The following FBXL17 variants were observed in gnomAD, a reference collection of about 807,000 sequenced individuals.
The protein encoded by FBXL17 is F-box and leucine rich repeat protein 17.
FBXL17 carries 22 observed loss-of-function variants against 66.2 expected under a neutral mutation model. The observed-to-expected ratio is 0.33, with a 90% CI of 0.24 to 0.47. FBXL17 has a LOEUF of 0.47. Among genes scored for constraint, FBXL17 ranks in the 20% least tolerant of loss-of-function variants. FBXL17 has a pLI of 1.00. For missense variants in FBXL17, 878 were observed against 948.2 expected (o/e 0.93, Z 0.97); for synonymous variants, 474 against 400.5 (o/e 1.18, Z -2.19).
chr5:108,250,344 T>C (rs1057122540), intron 4 of FBXL17, among the ~76,000 whole-genome samples: 1 of 152,176 alleles, frequency 6.6e-6, no homozygotes, highest in Non-Finnish European at 1.5e-5. Flanking sequence ...GGTCAATGAT[T>C]ACCACAGTTA....
At position 108,186,144 on chromosome 5, in the gene FBXL17, A is replaced by G; in HGVS notation, c.1718T>C (p.Leu573Pro). ...KRCKNLSSLN[L>P]CLNWIINDRC... ...GTCATTTATGATCCAGTTCAGACAG[A>G]GATTGAGAGAGCTAAGATTTTTGCA... The change falls in exon 6 of 9, where the codon CTC becomes CCC. Residue 573 changes from leucine to proline, a missense_variant. Coordinates refer to ENST00000542267, the MANE Select transcript of FBXL17 (RefSeq NM_001163315.3). 1 of 1,612,174 alleles carries G rather than the reference A, an allele frequency of 6.2e-7. No individual in the cohort carries two copies. The highest frequency in any genetic ancestry group is 8.5e-7 in the Non-Finnish European group (1 of 1,178,380).
At chr5:108,212,647 C>T (rs896165913) in intron 5 of FBXL17, among the ~76,000 whole-genome samples, 6 of 152,164 alleles carry the variant, frequency 3.9e-5, no homozygotes, top group Admixed American at 6.5e-5. Context: ...GCAGAGGCTG[C>T]AGAACAGCAA....
chr5:108,343,612 G>C (rs1046424889), intron 4 of FBXL17, among the ~76,000 whole-genome samples: 1 of 152,136 alleles, frequency 6.6e-6, no homozygotes, highest in East Asian at 1.9e-4. Flanking sequence ...AACAGTAAGA[G>C]TCAGGAAATG....
chr5:108,051,455 A>G (rs569813627), intron 6 of FBXL17, among the ~76,000 whole-genome samples: 1 of 152,340 alleles, frequency 6.6e-6, no homozygotes, highest in African/African-American at 2.4e-5. Context: ...AATAAATGTA[A>G]TCCATCATCA....
In FBXL17 at chr5:108,113,160, G is replaced by A. The variant is rs375076661; in HGVS notation, c.1745+72957C>T. 4.8e-4 allele frequency among the ~76,000 whole-genome samples: 73 copies of A among 152,192 alleles called. 1 individual carries two copies. The South Asian group carries it at 0.013, about 27-fold the overall frequency. ...TTATCCAGACTTGGCAGTATTGCAGGGAAGGTATGGGCAGGGCATCAGAGA... is the reference window on the plus strand; with the variant it reads ...TTATCCAGACTTGGCAGTATTGCAGAGAAGGTATGGGCAGGGCATCAGAGA... On this transcript the variant is annotated intron_variant, in intron 6 of 8. Coordinates refer to ENST00000542267, the MANE Select transcript of FBXL17 (RefSeq NM_001163315.3).
At chr5:108,051,120 G>A in intron 6 of FBXL17, among the ~76,000 whole-genome samples, 1 of 152,160 alleles carries the variant, frequency 6.6e-6, no homozygotes, top group East Asian at 1.9e-4. Context: ...AGAAAGCCCA[G>A]GACCAGATGC....
In FBXL17 at chr5:107,877,692, C is replaced by A. The variant is rs73780445; in HGVS notation, c.1965+3345G>T. Among the ~76,000 whole-genome samples, 5 of 152,130 alleles carry A rather than the reference C, an allele frequency of 3.3e-5. No homozygotes were observed. In the South Asian group the frequency reaches 6.2e-4, roughly 19 times the overall value. ...GGGATCCTACTGACACCATTCCTGACCAAGGGGTTTGTTGAGTAGATGCTG... is the reference window on the plus strand; with the variant it reads ...GGGATCCTACTGACACCATTCCTGAACAAGGGGTTTGTTGAGTAGATGCTG... On this transcript the variant is annotated intron_variant, in intron 8 of 8. Coordinates refer to ENST00000542267, the MANE Select transcript of FBXL17 (RefSeq NM_001163315.3).
rs970852187 is a variant in FBXL17 at position 108,360,028 on chromosome 5, T to C, written c.1374+4710A>G. On this transcript the variant is annotated intron_variant, in intron 3 of 8. Coordinates refer to ENST00000542267, the MANE Select transcript of FBXL17 (RefSeq NM_001163315.3). ...ACATCTTCCTGAAAGATTAATATTT[T>C]ATATTTATCAATATATAATAATTCT... 2.5e-4 allele frequency among the ~76,000 whole-genome samples: 38 copies of C among 152,274 alleles called. No individual in the cohort carries two copies. The Middle Eastern group carries it at 0.01, about 41-fold the overall frequency.
chr5:108,063,071 G>A (rs1338138748), intron 6 of FBXL17, among the ~76,000 whole-genome samples: 2 of 151,880 alleles, frequency 1.3e-5, no homozygotes, highest in Non-Finnish European at 2.9e-5. Flanking sequence ...ATTATATCAT[G>A]CTCTTTTCAC....
intron 6 of FBXL17, among the ~76,000 whole-genome samples, chr5:108,090,756 G>A (rs1223318844): frequency 6.6e-6 from 1 of 152,114 alleles, no homozygotes; most frequent in Non-Finnish European, 1.5e-5. Context: ...ACAAAAACAG[G>A]CGTTGGCCAG....
At chr5:107,948,668 A>G (rs1044238771) in intron 7 of FBXL17, among the ~76,000 whole-genome samples, 1 of 152,266 alleles carries the variant, frequency 6.6e-6, no homozygotes, top group Non-Finnish European at 1.5e-5. Context: ...TTAAACCCAA[A>G]TTTCTTCCTT....
chr5:108,034,694 A>G (rs777349620), intron 6 of FBXL17, among the ~76,000 whole-genome samples: 2 of 152,194 alleles, frequency 1.3e-5, no homozygotes, highest in Non-Finnish European at 2.9e-5. Flanking sequence ...GCTGCTTTGT[A>G]TTATTAGAGA....
At chr5:107,905,916 T>TG (rs1749739561) in intron 7 of FBXL17, among the ~76,000 whole-genome samples, 2 of 152,224 alleles carry the variant, frequency 1.3e-5, no homozygotes, top group African/African-American at 4.8e-5. Context: ...TATATGCCTC[T>TG]GGGCAACATT....
At chr5:108,260,029 A>C (rs907119438) in intron 4 of FBXL17, among the ~76,000 whole-genome samples, 4 of 149,338 alleles carry the variant, frequency 2.7e-5, no homozygotes, top group African/African-American at 9.8e-5. Context: ...CTTAAAAAAA[A>C]AAAACAAAAA....
intron 6 of FBXL17, among the ~76,000 whole-genome samples, chr5:108,035,850 A>C (rs927886381): frequency 9.9e-5 from 15 of 152,192 alleles, no homozygotes; most frequent in Non-Finnish European, 2.1e-4. Context: ...TCCAAGCCAG[A>C]TTAAAGGTGT....
chr5:108,128,307 C>G (rs1430170279), intron 6 of FBXL17, among the ~76,000 whole-genome samples: 1 of 151,454 alleles, frequency 6.6e-6, no homozygotes, highest in South Asian at 2.1e-4. Context: ...AACCATCTTT[C>G]AGTAATTATT....
chr5:108,098,904 A>G lies in FBXL17; in HGVS notation c.1746-77903T>C, dbSNP rs754599995. On this transcript the variant is annotated intron_variant, in intron 6 of 8. Transcript: ENST00000542267. ...GTTGATATCATGTTTATCATCACTA[A>G]TAACTTCTTAGCTAGGATGTAGCAT... Among the ~76,000 whole-genome samples the G allele has an allele frequency of 1.1e-4, 17 of 152,342 alleles. 1 individual carries two copies. In the South Asian group the frequency reaches 2.9e-3, roughly 26 times the overall value.
At chr5:108,203,331 C>T (rs1368888070) in intron 5 of FBXL17, among the ~76,000 whole-genome samples, 1 of 151,958 alleles carries the variant, frequency 6.6e-6, no homozygotes, top group African/African-American at 2.4e-5. Flanking sequence ...TGTCCTAGGT[C>T]ATACAATCAG....
intron 6 of FBXL17, among the ~76,000 whole-genome samples, chr5:108,175,133 A>G (rs1486817955): frequency 1.3e-5 from 2 of 152,320 alleles, no homozygotes; most frequent in East Asian, 1.9e-4. Context: ...TTTATTCATC[A>G]TACAAAAGCA....
Sources: allele counts gnomAD v4.1 joint callset (sites outside exome capture counted in the v4.1 genomes callset), GRCh38; gene constraint gnomAD v4.1.1; transcripts MANE v1.5; gene names NCBI Gene and HGNC (gene_info 2026-07-23, HGNC 2026-07-21).